The following ATXN7L1 variants were observed in gnomAD, a reference collection of about 807,000 sequenced individuals.
The protein encoded by ATXN7L1 is ataxin-7-like protein 1.
ATXN7L1 carries 15 observed loss-of-function variants against 70.8 expected under a neutral mutation model. That is an observed-to-expected ratio of 0.21 (90% CI 0.14 to 0.33). ATXN7L1 has a LOEUF of 0.33. Among genes scored for constraint, ATXN7L1 ranks in the 10% least tolerant of loss-of-function variants. The probability of loss-of-function intolerance (pLI) is 1.00; values close to 1 mark genes in which losing one functional copy is unlikely to be tolerated. For synonymous variants in ATXN7L1, 440 were observed against 445.1 expected (o/e 0.99, Z 0.14); for missense variants, 975 against 1,097.1 (o/e 0.89, Z 1.57).
At chr7:105,727,639 A>G (rs1795964173) in intron 3 of ATXN7L1, among the ~76,000 whole-genome samples, 1 of 144,910 alleles carries the variant, frequency 6.9e-6, no homozygotes, top group Admixed American at 6.9e-5. Context: ...ATTGCACTCC[A>G]GCCTGGGCGA....
intron 2 of ATXN7L1, among the ~76,000 whole-genome samples, chr7:105,848,699 A>G (rs774454760): frequency 5.3e-5 from 8 of 152,212 alleles, no homozygotes; most frequent in South Asian, 4.1e-4. Context: ...GTTGATGTGC[A>G]TCTTCTACAG....
At chr7:105,788,368 C>T (rs1804632515) in intron 3 of ATXN7L1, 11 of 505,088 alleles carry the variant, frequency 2.2e-5, no homozygotes, top group Middle Eastern at 5.4e-4. Flanking sequence ...CTAGTCCCAT[C>T]GACCGAGACA....
At chr7:105,680,593 T>A (rs757575710) in intron 3 of ATXN7L1, among the ~76,000 whole-genome samples, 2 of 152,162 alleles carry the variant, frequency 1.3e-5, no homozygotes, top group Non-Finnish European at 2.9e-5. Flanking sequence ...TCGTTTTCAG[T>A]CATTTGCAGC....
chr7:105,612,238 T>C (rs1181125884), intron 10 of ATXN7L1, among the ~76,000 whole-genome samples: 1 of 152,252 alleles, frequency 6.6e-6, no homozygotes, highest in East Asian at 1.9e-4. Flanking sequence ...GGTGCCTTGC[T>C]TAACCCTCCT....
chr7:105,644,154 G>T (rs1012557028), intron 4 of ATXN7L1, among the ~76,000 whole-genome samples: 1 of 152,202 alleles, frequency 6.6e-6, no homozygotes. Flanking sequence ...TGTAGGGCAG[G>T]AAAGAGGGGC....
intron 4 of ATXN7L1, among the ~76,000 whole-genome samples, chr7:105,646,304 CT>C (rs1426938554): frequency 6.6e-6 from 1 of 152,004 alleles, no homozygotes; most frequent in Admixed American, 6.6e-5. Context: ...CAACTCCCCC[CT>C]GACCCCACTG....
intron 3 of ATXN7L1, among the ~76,000 whole-genome samples, chr7:105,698,874 G>A (rs563498826): frequency 3.9e-5 from 6 of 152,230 alleles, no homozygotes; most frequent in East Asian, 3.9e-4. Context: ...TTTTAAATAC[G>A]TGTTTTGCAT....
chr7:105,700,901 C>A (rs563610159), intron 3 of ATXN7L1, among the ~76,000 whole-genome samples: 7 of 152,082 alleles, frequency 4.6e-5, no homozygotes, highest in Non-Finnish European at 1.0e-4. Flanking sequence ...AGGCTGCTCT[C>A]GAACTCCTGA....
chr7:105,773,328 G>A (rs1410524178), intron 3 of ATXN7L1, among the ~76,000 whole-genome samples: 1 of 152,150 alleles, frequency 6.6e-6, no homozygotes, highest in Non-Finnish European at 1.5e-5. Flanking sequence ...CTAGTCATAC[G>A]GCACTAGAAG....
intron 2 of ATXN7L1, among the ~76,000 whole-genome samples, chr7:105,852,087 T>C (rs1423564334): frequency 1.3e-5 from 2 of 152,228 alleles, no homozygotes; most frequent in African/African-American, 2.4e-5. Context: ...ATCCTCCCTC[T>C]GTGAAGTTCC....
intron 2 of ATXN7L1, among the ~76,000 whole-genome samples, chr7:105,828,641 A>G (rs2116581039): frequency 1.3e-5 from 2 of 152,352 alleles, no homozygotes; most frequent in Middle Eastern, 6.8e-3. Context: ...TGTAAGCAAT[A>G]TCATGTTTTT....
At chr7:105,856,250 C>A (rs1815701332) in intron 2 of ATXN7L1, among the ~76,000 whole-genome samples, 1 of 152,114 alleles carries the variant, frequency 6.6e-6, no homozygotes, top group Admixed American at 6.5e-5. Context: ...AGAAGTCAAC[C>A]AAAGCATTTG....
At chr7:105,840,394 C>G (rs1813033012) in intron 2 of ATXN7L1, among the ~76,000 whole-genome samples, 1 of 152,190 alleles carries the variant, frequency 6.6e-6, no homozygotes, top group South Asian at 2.1e-4. Flanking sequence ...AGAAGTGCTT[C>G]AGGGTGGAGT....
chr7:105,810,804 G>A (rs1054572267), intron 2 of ATXN7L1, among the ~76,000 whole-genome samples: 1 of 152,244 alleles, frequency 6.6e-6, no homozygotes, highest in African/African-American at 2.4e-5. Context: ...TTTGAGCAGA[G>A]GAGTGACATG....
At chr7:105,771,835 T>G (rs1047937019) in intron 3 of ATXN7L1, among the ~76,000 whole-genome samples, 5 of 152,098 alleles carry the variant, frequency 3.3e-5, no homozygotes, top group Non-Finnish European at 7.4e-5. Flanking sequence ...ATATAGATTT[T>G]AGAAATAAAA....
At chr7:105,754,514 C>T (rs117647296) in intron 3 of ATXN7L1, among the ~76,000 whole-genome samples, 118 of 152,144 alleles carry the variant, frequency 7.8e-4, no homozygotes, top group Non-Finnish European at 1.4e-3. Context: ...CAGTGGTGAG[C>T]GTAGCTGCCT....
chr7:105,715,959 T>C (rs1794488213), intron 3 of ATXN7L1, among the ~76,000 whole-genome samples: 1 of 151,954 alleles, frequency 6.6e-6, no homozygotes. Flanking sequence ...GCTTCAGGTA[T>C]AGGCAAAGAA....
At chr7:105,714,663 T>C (rs1794317651) in intron 3 of ATXN7L1, among the ~76,000 whole-genome samples, 1 of 148,490 alleles carries the variant, frequency 6.7e-6, no homozygotes, top group Admixed American at 6.8e-5. Context: ...TCTTCTGTTT[T>C]TGTTTTTGTT....
At position 105,788,688 on chromosome 7, in the gene ATXN7L1, A is replaced by G. The variant is rs767511899; in HGVS notation, c.271T>C (p.Tyr91His). The G allele has an allele frequency of 1.2e-6, 2 of 1,613,064 alleles. No homozygotes were observed. Among genetic ancestry groups the G allele is most frequent in the East Asian group, 4.5e-5 (2 of 44,874 alleles). Reference sequence around the variant, plus strand: ...AGATAGAAGTCGTCATGTGCTGGGTAATGGCCAAATAAGTGCATATCTGTG... The same window carrying G: ...AGATAGAAGTCGTCATGTGCTGGGTGATGGCCAAATAAGTGCATATCTGTG... Reference protein sequence around the residue: ...NKEDMHLFGHYPAHDDFYLVV... With the variant: ...NKEDMHLFGHHPAHDDFYLVV... The change falls in exon 3 of 12, where the codon TAC (tyrosine) becomes CAC (histidine). Residue 91 changes from tyrosine (Y) to histidine (H), a missense_variant. Tyr to His is a moderately conservative substitution (Grantham distance 83). Around this residue, in one of 5 missense-constraint regions of ATXN7L1, gnomAD observed 135 missense variants for 132.6 expected, o/e 1.02. Transcript: ENST00000419735.
Sources: gnomAD v4.1 joint callset for allele counts (sites outside exome capture counted in the v4.1 genomes callset) on GRCh38, gnomAD v4.1.1 for gene constraint, gnomAD v4.1.1 regional missense constraint, MANE v1.5 for transcripts, NCBI Gene and HGNC (gene_info 2026-07-23, HGNC 2026-07-21) for gene names.